ZBTB7C: variants seen among roughly 807,000 people sequenced by gnomAD.
ZBTB7C encodes the protein zinc finger and BTB domain-containing protein 7C.
In ZBTB7C, 8 loss-of-function variants were observed where a neutral mutation model predicts 25.7. The observed-to-expected ratio is 0.31, with a 90% CI of 0.18 to 0.56. ZBTB7C has a LOEUF of 0.56. ZBTB7C is among the 20% of genes least tolerant of loss of function. ZBTB7C has a pLI of 0.91. For synonymous variants in ZBTB7C, 394 were observed against 369.0 expected (o/e 1.07, Z -0.78); for missense variants, 824 against 855.2 (o/e 0.96, Z 0.46).
intron 3 of ZBTB7C, among the ~76,000 whole-genome samples, chr18:48,065,303 C>T (rs756421452): frequency 6.6e-6 from 1 of 152,130 alleles, no homozygotes; most frequent in South Asian, 2.1e-4. Flanking sequence ...CAGAGCCTTG[C>T]TGGAGATTCG....
rs749315698 is a variant in ZBTB7C at position 48,040,655 on chromosome 18, CTCATCA to C, written c.447_452del (p.Asp149_Asp150del). 2 of 1,613,598 alleles carry C rather than the reference CTCATCA, an allele frequency of 1.2e-6. No homozygotes were observed. Among genetic ancestry groups the C allele is most frequent in the Admixed American group, 1.7e-5 (1 of 60,000 alleles). Reference sequence around the variant, plus strand: ...CTTCCTCCTCCTCCTCTTCGTCCTCCTCATCATCATCATCTTCGTCGTCGTCATCGT... The same window carrying C: ...CTTCCTCCTCCTCCTCTTCGTCCTCCTCATCATCTTCGTCGTCGTCATCGT... On this transcript the variant is annotated inframe_deletion, in exon 4 of 5. Transcript: ENST00000590800.
chr18:48,076,338 CT>C (rs1045050136), intron 3 of ZBTB7C, among the ~76,000 whole-genome samples: 2 of 152,020 alleles, frequency 1.3e-5, no homozygotes, highest in African/African-American at 4.8e-5. Context: ...GCAACAGGTT[CT>C]TTATAAATAA....
rs563822608 is a variant in ZBTB7C, at chr18:48,034,610, C to A, written c.1209-4699G>T. Among the ~76,000 whole-genome samples, 6 of 152,288 alleles carry A rather than the reference C, an allele frequency of 3.9e-5. No homozygotes were observed. In the East Asian group the frequency reaches 1.2e-3, roughly 29 times the overall value. On this transcript the variant is annotated intron_variant, in intron 4 of 4. Coordinates refer to ENST00000590800, the MANE Select transcript of ZBTB7C (RefSeq NM_001318841.2). ...CTGTGGGATGCTCTTTCGTACTCTG[C>A]ACAACACACAACACTGAATGTAGAT...
At chr18:48,252,611 C>T (rs2043898065) in intron 2 of ZBTB7C, 2 of 152,376 alleles carry the variant, frequency 1.3e-5, no homozygotes, top group Admixed American at 1.3e-4. Context: ...TGCACCTGCC[C>T]CCCTTTTGTT....
At chr18:48,059,658 G>T (rs372428056) in intron 3 of ZBTB7C, among the ~76,000 whole-genome samples, 1 of 152,162 alleles carries the variant, frequency 6.6e-6, no homozygotes, top group African/African-American at 2.4e-5. Flanking sequence ...CCTTTTCAAA[G>T]ATATTTCTTT....
intron 2 of ZBTB7C, among the ~76,000 whole-genome samples, chr18:48,232,263 A>T (rs1410483280): frequency 6.6e-6 from 1 of 152,244 alleles, no homozygotes; most frequent in Non-Finnish European, 1.5e-5. Flanking sequence ...AACACTGATG[A>T]TTGATGCTAA....
intron 3 of ZBTB7C, among the ~76,000 whole-genome samples, chr18:48,125,747 T>A (rs894226504): frequency 2.6e-5 from 4 of 152,174 alleles, no homozygotes; most frequent in African/African-American, 9.7e-5. Context: ...CCTCATTAGG[T>A]GGCTCCAGTA....
chr18:48,325,389 T>C (rs2046195445), intron 2 of ZBTB7C, among the ~76,000 whole-genome samples: 1 of 152,220 alleles, frequency 6.6e-6, no homozygotes, highest in South Asian at 2.1e-4. Context: ...CAGTTGGCCA[T>C]TGCATTGATT....
chr18:48,089,804 C>CA (rs765446199), intron 3 of ZBTB7C, among the ~76,000 whole-genome samples: 7 of 152,176 alleles, frequency 4.6e-5, no homozygotes, highest in Non-Finnish European at 1.0e-4. Context: ...AACAAACAAA[C>CA]AAACAAACAA....
At chr18:48,113,078 G>A (rs2039303741) in intron 3 of ZBTB7C, among the ~76,000 whole-genome samples, 1 of 152,212 alleles carries the variant, frequency 6.6e-6, no homozygotes, top group Admixed American at 6.5e-5. Context: ...AGACTGGTAA[G>A]TCGATGGGGT....
chr18:48,247,828 C>T (rs2043738991), intron 2 of ZBTB7C, among the ~76,000 whole-genome samples: 1 of 152,148 alleles, frequency 6.6e-6, no homozygotes, highest in Non-Finnish European at 1.5e-5. Context: ...ATAGTTCCTC[C>T]TGCATTCATT....
intron 2 of ZBTB7C, among the ~76,000 whole-genome samples, chr18:48,207,857 A>AT (rs891739081): frequency 6.6e-6 from 1 of 152,200 alleles, no homozygotes; most frequent in Non-Finnish European, 1.5e-5. Context: ...ACAAGTCAGG[A>AT]TAGTGGTTAC....
At chr18:48,032,258 CAT>C (rs2035785192) in intron 4 of ZBTB7C, among the ~76,000 whole-genome samples, 1 of 150,218 alleles carries the variant, frequency 6.7e-6, no homozygotes, top group African/African-American at 2.5e-5. Flanking sequence ...GGATTACAGG[CAT>C]GCACCACCAC....
chr18:48,310,410 A>G (rs115309187), intron 2 of ZBTB7C, among the ~76,000 whole-genome samples: 1,657 of 150,056 alleles, frequency 0.011, 32 homozygotes, highest in African/African-American at 0.039. Context: ...AACCAGAAAT[A>G]TAAGTAGTGG....
intron 3 of ZBTB7C, among the ~76,000 whole-genome samples, chr18:48,117,986 T>TTTCTTC (rs1274261756): frequency 4.6e-5 from 7 of 150,862 alleles, no homozygotes; most frequent in Admixed American, 4.6e-4. Flanking sequence ...TGATCAATCT[T>TTTCTTC]TTCTTCTTCT....
At chr18:48,122,519 T>C (rs1292768557) in intron 3 of ZBTB7C, among the ~76,000 whole-genome samples, 1 of 152,156 alleles carries the variant, frequency 6.6e-6, no homozygotes, top group Non-Finnish European at 1.5e-5. Flanking sequence ...ACCATTAAAT[T>C]CATGGTGCCA....
intron 3 of ZBTB7C, chr18:48,165,101 A>C: frequency 7.8e-7 from 1 of 1,287,696 alleles, no homozygotes; most frequent in Non-Finnish European, 1.0e-6. Context: ...AAGTATGGTT[A>C]CAAAATCCCA....
intron 2 of ZBTB7C, among the ~76,000 whole-genome samples, chr18:48,309,800 G>C (rs1007623937): frequency 6.6e-6 from 1 of 152,138 alleles, no homozygotes; most frequent in African/African-American, 2.4e-5. Context: ...CTGAATCCTG[G>C]CTGCACCAAA....
chr18:48,099,605 T>C (rs1409208350), intron 3 of ZBTB7C, among the ~76,000 whole-genome samples: 2 of 152,174 alleles, frequency 1.3e-5, no homozygotes, highest in South Asian at 2.1e-4. Flanking sequence ...AGAGGGACTG[T>C]GCAAGTTTGG....
Sources: allele counts gnomAD v4.1 joint callset (sites outside exome capture counted in the v4.1 genomes callset), GRCh38; gene constraint gnomAD v4.1.1; transcripts MANE v1.5; gene names NCBI Gene and HGNC (gene_info 2026-07-23, HGNC 2026-07-21).